The following FMN2 variants were observed in gnomAD, a reference collection of about 807,000 sequenced individuals.
FMN2 encodes formin 2.
A neutral mutation model predicts 142.3 loss-of-function variants in FMN2; 51 were observed. The observed-to-expected ratio is 0.36, with a 90% confidence interval of 0.29 to 0.45. The LOEUF (loss-of-function observed/expected upper bound fraction) is 0.45. FMN2 is among the 20% of genes least tolerant of loss of function. The probability of loss-of-function intolerance (pLI) is 1.00; values close to 1 mark genes in which losing one functional copy is unlikely to be tolerated. For missense variants in FMN2, 1,936 were observed against 2,122.8 expected (o/e 0.91, Z 1.73); for synonymous variants, 882 against 869.8 (o/e 1.01, Z -0.25).
intron 15 of FMN2, among the ~76,000 whole-genome samples, chr1:240,421,189 C>T (rs1674750059): frequency 6.6e-6 from 1 of 152,178 alleles, no homozygotes; most frequent in African/African-American, 2.4e-5. Flanking sequence ...GGTTTCAGAG[C>T]ATGGCAGCCA....
intron 14 of FMN2, among the ~76,000 whole-genome samples, chr1:240,362,684 T>G (rs1158160128): frequency 6.6e-6 from 1 of 152,228 alleles, no homozygotes; most frequent in Non-Finnish European, 1.5e-5. Context: ...GGTTCTCCTT[T>G]GTTGGCCTTC....
intron 16 of FMN2, among the ~76,000 whole-genome samples, chr1:240,466,288 G>T: frequency 6.6e-6 from 1 of 151,978 alleles, no homozygotes; most frequent in South Asian, 2.1e-4. Context: ...TTACTTTTAT[G>T]CTTAATGCCC....
chr1:240,137,641 G>T (rs906008089), intron 2 of FMN2, among the ~76,000 whole-genome samples: 1 of 152,062 alleles, frequency 6.6e-6, no homozygotes, highest in Non-Finnish European at 1.5e-5. Flanking sequence ...TCTTGTTCTT[G>T]TGTAGCTTAC....
chr1:240,468,667 C>T (rs1035264926), intron 16 of FMN2, among the ~76,000 whole-genome samples: 1 of 152,174 alleles, frequency 6.6e-6, no homozygotes, highest in African/African-American at 2.4e-5. Context: ...TGTGACATGA[C>T]CATCTTTTTT....
chr1:240,272,605 G>A (rs564434957), intron 7 of FMN2, among the ~76,000 whole-genome samples: 14 of 152,286 alleles, frequency 9.2e-5, no homozygotes, highest in Admixed American at 2.6e-4. Flanking sequence ...GAGTTCTGGA[G>A]AAGATGCAAT....
At chr1:240,241,327 T>C (rs183164347) in intron 6 of FMN2, among the ~76,000 whole-genome samples, 1 of 151,692 alleles carries the variant, frequency 6.6e-6, no homozygotes, top group East Asian at 1.9e-4. Flanking sequence ...AGAAATTGAG[T>C]TTCTAATTCT....
intron 2 of FMN2, among the ~76,000 whole-genome samples, chr1:240,156,851 A>T (rs1474503068): frequency 6.6e-6 from 1 of 152,204 alleles, no homozygotes; most frequent in Admixed American, 6.5e-5. Flanking sequence ...GCAATTCATT[A>T]ATCGCCTGAA....
chr1:240,340,298 G>A (rs1029409425), intron 13 of FMN2, among the ~76,000 whole-genome samples: 3 of 151,886 alleles, frequency 2.0e-5, no homozygotes, highest in Admixed American at 6.6e-5. Context: ...CTCTTAGTCC[G>A]GGCCGGGTGC....
At chr1:240,352,595 A>G (rs932889493) in intron 13 of FMN2, among the ~76,000 whole-genome samples, 2 of 152,102 alleles carry the variant, frequency 1.3e-5, no homozygotes, top group Non-Finnish European at 2.9e-5. Context: ...AAAATTTAAA[A>G]AAAACAAACT....
intron 6 of FMN2, among the ~76,000 whole-genome samples, chr1:240,242,875 G>GT (rs1350711534): frequency 2.6e-5 from 4 of 152,214 alleles, no homozygotes; most frequent in South Asian, 4.1e-4. Flanking sequence ...TTAGCAAACT[G>GT]TAATTCTGCT....
intron 8 of FMN2, among the ~76,000 whole-genome samples, chr1:240,316,929 G>T (rs1670802309): frequency 6.6e-6 from 1 of 152,092 alleles, no homozygotes; most frequent in African/African-American, 2.4e-5. Flanking sequence ...CTCCTACTGG[G>T]TGTGGGCATC....
chr1:240,292,476 CATT>C (rs1363183639), intron 7 of FMN2, among the ~76,000 whole-genome samples: 1 of 152,184 alleles, frequency 6.6e-6, no homozygotes, highest in East Asian at 1.9e-4. Flanking sequence ...AACTTCAAAT[CATT>C]ATTACTCAAG....
chr1:240,187,434 G>C (rs1665527910), intron 3 of FMN2, among the ~76,000 whole-genome samples: 1 of 152,006 alleles, frequency 6.6e-6, no homozygotes, highest in Non-Finnish European at 1.5e-5. Flanking sequence ...TTGCATTATG[G>C]GCTTTGAATT....
At chr1:240,450,900 C>T (rs149867158) in intron 16 of FMN2, among the ~76,000 whole-genome samples, 26 of 152,164 alleles carry the variant, frequency 1.7e-4, no homozygotes, top group African/African-American at 5.5e-4. Context: ...TCCACCATGG[C>T]GTTGTGTGGA....
At chr1:240,333,329 G>T (rs1671443021) in intron 11 of FMN2, among the ~76,000 whole-genome samples, 2 of 151,962 alleles carry the variant, frequency 1.3e-5, no homozygotes, top group African/African-American at 4.8e-5. Context: ...CTCAATTGCT[G>T]ATATAACAAA....
chr1:240,181,237 C>T (rs1047886547), intron 3 of FMN2, among the ~76,000 whole-genome samples: 5 of 152,036 alleles, frequency 3.3e-5, no homozygotes, highest in African/African-American at 1.2e-4. Context: ...CTCCTGACCT[C>T]AGGTGATCCA....
chr1:240,222,027 T>G (rs1667138617), intron 6 of FMN2, among the ~76,000 whole-genome samples: 1 of 150,024 alleles, frequency 6.7e-6, no homozygotes, highest in Non-Finnish European at 1.5e-5. Flanking sequence ...TTTTTTTTTT[T>G]TTTGTATTTT....
intron 6 of FMN2, among the ~76,000 whole-genome samples, chr1:240,228,133 A>G (rs1186846201): frequency 6.6e-6 from 1 of 151,514 alleles, no homozygotes; most frequent in East Asian, 1.9e-4. Context: ...GAGAAACCCC[A>G]TCTCTACTAA....
At chr1:240,260,098 C>T (rs777638219) in intron 7 of FMN2, among the ~76,000 whole-genome samples, 5 of 152,274 alleles carry the variant, frequency 3.3e-5, no homozygotes, top group African/African-American at 1.2e-4. Context: ...CTTTTTATAG[C>T]TGAGTATTAT....
Sources: gnomAD v4.1 joint callset for allele counts (sites outside exome capture counted in the v4.1 genomes callset) on GRCh38, gnomAD v4.1.1 for gene constraint, MANE v1.5 for transcripts, NCBI Gene and HGNC (gene_info 2026-07-23, HGNC 2026-07-21) for gene names.